The following CTNND2 variants were observed in gnomAD, a reference collection of about 807,000 sequenced individuals.
CTNND2 encodes catenin delta-2.
In CTNND2, 22 loss-of-function variants were observed where a neutral mutation model predicts 144.4. The observed-to-expected ratio is 0.15, with a 90% CI of 0.11 to 0.22. The LOEUF is 0.22. CTNND2 is among the 10% of genes least tolerant of loss of function. CTNND2 has a pLI of 1.00. For missense variants in CTNND2, 1,353 were observed against 1,618.8 expected (o/e 0.84, Z 2.82); for synonymous variants, 751 against 695.6 (o/e 1.08, Z -1.25).
At chr5:11,846,314 A>G (rs1487884647) in intron 1 of CTNND2, among the ~76,000 whole-genome samples, 3 of 152,130 alleles carry the variant, frequency 2.0e-5, no homozygotes, top group Non-Finnish European at 2.9e-5. Flanking sequence ...CAAACTATCA[A>G]TCTTTGACTT....
rs906612975 is a variant in CTNND2 at position 11,752,357 on chromosome 5, T to C, written c.38-20085A>G. Among the ~76,000 whole-genome samples the C allele has an allele frequency of 6.6e-5, 10 of 150,830 alleles. No individual in the cohort carries two copies. The Admixed American group carries it at 6.6e-4, about 10-fold the overall frequency. Reference sequence around the variant, plus strand: ...AGGTTTTCCATTTGTCTTGAGTTGATTTATGTAAGGAAGGGATCCAGTTTC... The same window carrying C: ...AGGTTTTCCATTTGTCTTGAGTTGACTTATGTAAGGAAGGGATCCAGTTTC... On this transcript the variant is annotated intron_variant, in intron 1 of 21. Coordinates refer to ENST00000304623, the MANE Select transcript of CTNND2 (RefSeq NM_001332.4).
At chr5:11,860,332 T>C (rs1019375802) in intron 1 of CTNND2, among the ~76,000 whole-genome samples, 22 of 152,354 alleles carry the variant, frequency 1.4e-4, no homozygotes, top group Non-Finnish European at 1.5e-5. Flanking sequence ...TAGTAAATTG[T>C]AGAGCTCTGT....
chr5:11,806,209 T>C (rs1581915545), intron 1 of CTNND2, among the ~76,000 whole-genome samples: 2 of 152,254 alleles, frequency 1.3e-5, no homozygotes, highest in Admixed American at 1.3e-4. Flanking sequence ...ACAATACATG[T>C]GACATAGTAA....
chr5:11,270,931 T>C (rs1197927131), intron 9 of CTNND2, among the ~76,000 whole-genome samples: 1 of 152,174 alleles, frequency 6.6e-6, no homozygotes, highest in Non-Finnish European at 1.5e-5. Context: ...CTAATTAGCA[T>C]CCTTTAGCAT....
At chr5:11,751,304 G>A (rs1295351554) in intron 1 of CTNND2, among the ~76,000 whole-genome samples, 1 of 151,750 alleles carries the variant, frequency 6.6e-6, no homozygotes, top group Non-Finnish European at 1.5e-5. Flanking sequence ...AGTGTCATGG[G>A]GGTCTGGTGT....
intron 11 of CTNND2, among the ~76,000 whole-genome samples, chr5:11,167,754 G>A (rs1372895011): frequency 5.3e-5 from 8 of 150,860 alleles, no homozygotes; most frequent in Non-Finnish European, 8.8e-5. Flanking sequence ...AGAGTGCAGC[G>A]GCGTGATCAT....
At chr5:11,584,777 C>G (rs1051108671) in intron 2 of CTNND2, among the ~76,000 whole-genome samples, 1 of 152,130 alleles carries the variant, frequency 6.6e-6, no homozygotes, top group South Asian at 2.1e-4. Flanking sequence ...ATGATTAACA[C>G]TGATTGGTAA....
intron 16 of CTNND2, chr5:11,027,365 G>C (rs1210673879): frequency 6.6e-6 from 1 of 152,066 alleles, no homozygotes; most frequent in Non-Finnish European, 1.5e-5. Flanking sequence ...AAACAAGACT[G>C]TACCACCACC....
chr5:11,135,011 C>A (rs995110709), intron 12 of CTNND2, among the ~76,000 whole-genome samples: 2 of 152,342 alleles, frequency 1.3e-5, no homozygotes. Flanking sequence ...CTTCACTGCG[C>A]TAAGTGCTGC....
intron 18 of CTNND2, among the ~76,000 whole-genome samples, chr5:10,994,173 G>A (rs1266187551): frequency 1.4e-5 from 2 of 142,254 alleles, no homozygotes; most frequent in Non-Finnish European, 3.0e-5. Flanking sequence ...TAATACTAAC[G>A]TGGCATTCTA....
Position 10,993,538 on chromosome 5 carries a change from C to T in CTNND2, c.3085-861G>A, listed in dbSNP as rs528784009. Among the ~76,000 whole-genome samples, 6 of 152,200 alleles carry T rather than the reference C, an allele frequency of 3.9e-5. No homozygotes were observed. In the South Asian group the frequency reaches 8.3e-4, roughly 21 times the overall value. On this transcript the variant is annotated intron_variant, in intron 18 of 21. Transcript: ENST00000304623. ...ACATTATAGCAAAGAAAAGCAGTCA[C>T]CTGCTCCACCCCCAAATCCTCCTTT...
At chr5:11,157,667 G>T (rs1758348395) in intron 12 of CTNND2, among the ~76,000 whole-genome samples, 1 of 152,228 alleles carries the variant, frequency 6.6e-6, no homozygotes, top group African/African-American at 2.4e-5. Context: ...TTGGAAAAAT[G>T]AAGAATGTAA....
chr5:11,780,125 T>C (rs751306547), intron 1 of CTNND2, among the ~76,000 whole-genome samples: 3 of 152,076 alleles, frequency 2.0e-5, no homozygotes, highest in African/African-American at 4.8e-5. Flanking sequence ...CTGCAGACAG[T>C]AGTACATTGA....
intron 3 of CTNND2, among the ~76,000 whole-genome samples, chr5:11,463,156 T>A (rs1038057389): frequency 1.3e-5 from 2 of 152,218 alleles, no homozygotes; most frequent in Admixed American, 1.3e-4. Context: ...TATATTCAAA[T>A]AATAAGCCTA....
At chr5:11,870,492 T>C (rs1009026242) in intron 1 of CTNND2, among the ~76,000 whole-genome samples, 3 of 152,224 alleles carry the variant, frequency 2.0e-5, no homozygotes, top group African/African-American at 7.2e-5. Context: ...TGAATTTGCT[T>C]ACAAAGAATA....
intron 9 of CTNND2, among the ~76,000 whole-genome samples, chr5:11,277,885 TC>T (rs1422834753): frequency 6.6e-6 from 1 of 151,976 alleles, no homozygotes; most frequent in Non-Finnish European, 1.5e-5. Context: ...CAAGTGCACT[TC>T]CCTTTCCAGA....
intron 16 of CTNND2, among the ~76,000 whole-genome samples, chr5:11,032,685 C>A (rs1240546942): frequency 1.3e-5 from 2 of 151,886 alleles, no homozygotes; most frequent in Non-Finnish European, 2.9e-5. Context: ...ACTTAGCAAT[C>A]AAAAGGAACA....
chr5:11,222,778 C>A (rs1318271982), intron 10 of CTNND2, among the ~76,000 whole-genome samples: 1 of 152,104 alleles, frequency 6.6e-6, no homozygotes, highest in East Asian at 1.9e-4. Flanking sequence ...TGCACTCCAG[C>A]CTGGGAGATA....
intron 3 of CTNND2, among the ~76,000 whole-genome samples, chr5:11,544,182 C>CT (rs35642044): frequency 0.033 from 4,798 of 145,832 alleles, 225 homozygotes; most frequent in East Asian, 0.23. Flanking sequence ...TTTTTTTTTT[C>CT]TTTTTTTTTT....
Sources: gnomAD v4.1 joint callset for allele counts (sites outside exome capture counted in the v4.1 genomes callset) on GRCh38, gnomAD v4.1.1 for gene constraint, MANE v1.5 for transcripts, NCBI Gene and HGNC (gene_info 2026-07-23, HGNC 2026-07-21) for gene names.